RAP1GDS1: variants seen among roughly 807,000 people sequenced by gnomAD.
RAP1GDS1 encodes RAP1, GTP-GDP dissociation stimulator 1.
Under a neutral mutation model 71.1 loss-of-function variants are expected in RAP1GDS1, and 35 were observed. That is an observed-to-expected ratio of 0.49 (90% CI 0.38 to 0.65). The LOEUF (loss-of-function observed/expected upper bound fraction) is 0.65. Among genes scored for constraint, RAP1GDS1 ranks in the 30% least tolerant of loss-of-function variants. RAP1GDS1 has a pLI of 0.00. For synonymous variants in RAP1GDS1, 229 were observed against 243.1 expected, an observed-to-expected ratio of 0.94 and a Z score of 0.54; for missense variants, 663 against 706.1, an observed-to-expected ratio of 0.94 and a Z score of 0.69.
chr4:98,387,463 T>C (rs1742941871), intron 5 of RAP1GDS1: 2 of 456,080 alleles, frequency 4.4e-6, no homozygotes, highest in Non-Finnish European at 4.4e-6. Context: ...TTTCCATGAG[T>C]GTGACCTGAA....
chr4:98,347,059 CACTG>C (rs1308189871), intron 3 of RAP1GDS1, among the ~76,000 whole-genome samples: 14 of 152,080 alleles, frequency 9.2e-5, no homozygotes, highest in Admixed American at 2.0e-4. Flanking sequence ...GTCTAATAAA[CACTG>C]AGGTGGACTC....
intron 7 of RAP1GDS1, 143 bp from the exon 8 acceptor site, chr4:98,416,602 G>A (rs577536846): frequency 8.5e-5 from 51 of 597,706 alleles, no homozygotes; most frequent in Middle Eastern, 5.1e-4. Context: ...CGCCCATCTC[G>A]GCCTCCCAAA....
chr4:98,424,371 G>A (rs576954036), intron 12 of RAP1GDS1, among the ~76,000 whole-genome samples: 1 of 152,232 alleles, frequency 6.6e-6, no homozygotes, highest in Admixed American at 6.5e-5. Context: ...CACATAAAAT[G>A]CACTAACACT....
intron 12 of RAP1GDS1, among the ~76,000 whole-genome samples, chr4:98,428,757 AC>A (rs1275915764): frequency 6.6e-6 from 1 of 152,218 alleles, no homozygotes; most frequent in Non-Finnish European, 1.5e-5. Context: ...GTAAACTAAT[AC>A]AACCACTATG....
intron 2 of RAP1GDS1, among the ~76,000 whole-genome samples, chr4:98,326,737 G>A (rs1022103130): frequency 3.3e-5 from 5 of 152,090 alleles, no homozygotes; most frequent in African/African-American, 1.2e-4. Flanking sequence ...ATGACCCTCA[G>A]CTCCACTCAC....
At chr4:98,347,253 C>T (rs1363056216) in intron 3 of RAP1GDS1, among the ~76,000 whole-genome samples, 1 of 152,052 alleles carries the variant, frequency 6.6e-6, no homozygotes, top group Non-Finnish European at 1.5e-5. Flanking sequence ...TCATCACAGC[C>T]TGTACTTTAT....
chr4:98,366,734 A>G (rs1739553365), intron 4 of RAP1GDS1, among the ~76,000 whole-genome samples: 1 of 152,160 alleles, frequency 6.6e-6, no homozygotes, highest in Admixed American at 6.5e-5. Flanking sequence ...TAGCAAAGAG[A>G]CTGGCAGCAT....
At chr4:98,288,940 A>G (rs1334249864) in intron 1 of RAP1GDS1, among the ~76,000 whole-genome samples, 1 of 152,180 alleles carries the variant, frequency 6.6e-6, no homozygotes, top group Non-Finnish European at 1.5e-5. Context: ...GAAATGGGGA[A>G]TAACTGGAGA....
chr4:98,404,642 A>T (rs372317613), intron 7 of RAP1GDS1, 40 bp downstream of exon 7: 17 of 1,577,750 alleles, frequency 1.1e-5, no homozygotes, highest in Non-Finnish European at 1.5e-5. Flanking sequence ...TTGATCATGT[A>T]TGCTTTAAAC....
chr4:98,356,913 G>T (rs979882960), intron 4 of RAP1GDS1, among the ~76,000 whole-genome samples: 6 of 151,824 alleles, frequency 4.0e-5, no homozygotes, highest in African/African-American at 7.2e-5. Context: ...TTGTATATTG[G>T]CGATTCTTGT....
chr4:98,400,067 C>T (rs1015021785), intron 6 of RAP1GDS1, among the ~76,000 whole-genome samples: 2 of 151,838 alleles, frequency 1.3e-5, no homozygotes, highest in African/African-American at 2.4e-5. Context: ...GTGGGAGGAT[C>T]GCTTCAGCAC....
At chr4:98,284,236 C>T (rs1379565612) in intron 1 of RAP1GDS1, among the ~76,000 whole-genome samples, 1 of 151,904 alleles carries the variant, frequency 6.6e-6, no homozygotes, top group African/African-American at 2.4e-5. Context: ...GGTTTTTTCC[C>T]CTTTTATTTT....
intron 2 of RAP1GDS1, chr4:98,297,082 G>A (rs1344346995): frequency 6.0e-6 from 1 of 166,014 alleles, no homozygotes; most frequent in African/African-American, 2.4e-5. Flanking sequence ...TCATACGAGA[G>A]TCACGTAATT....
chr4:98,359,260 T>C (rs747822618), intron 4 of RAP1GDS1, among the ~76,000 whole-genome samples: 38 of 152,098 alleles, frequency 2.5e-4, no homozygotes, highest in Middle Eastern at 3.4e-3. Context: ...GCAGAGTAAA[T>C]TTCCTAGAAA....
At chr4:98,386,939 T>C (rs535992753) in intron 5 of RAP1GDS1, among the ~76,000 whole-genome samples, 86 of 152,260 alleles carry the variant, frequency 5.6e-4, no homozygotes, top group Non-Finnish European at 7.1e-4. Flanking sequence ...AATACAGATA[T>C]GTCATTAAAT....
intron 1 of RAP1GDS1, among the ~76,000 whole-genome samples, chr4:98,277,351 C>T (rs933027905): frequency 4.6e-5 from 7 of 152,148 alleles, no homozygotes; most frequent in Non-Finnish European, 7.4e-5. Context: ...GTATTACTTT[C>T]TTATACAAGA....
At chr4:98,291,809 A>G (rs1318611575) in intron 1 of RAP1GDS1, among the ~76,000 whole-genome samples, 5 of 152,178 alleles carry the variant, frequency 3.3e-5, no homozygotes, top group African/African-American at 1.2e-4. Context: ...CATGTCCAGT[A>G]GTCCTCAGCC....
intron 7 of RAP1GDS1, among the ~76,000 whole-genome samples, chr4:98,406,852 G>A (rs958369799): frequency 3.9e-5 from 6 of 152,018 alleles, no homozygotes; most frequent in African/African-American, 1.4e-4. Flanking sequence ...ATCGCTGTAT[G>A]TTTACATGGT....
At chr4:98,428,161 T>A (rs1019523590) in intron 12 of RAP1GDS1, among the ~76,000 whole-genome samples, 3 of 152,104 alleles carry the variant, frequency 2.0e-5, no homozygotes, top group African/African-American at 7.2e-5. Flanking sequence ...AGAATAAAAC[T>A]GTTGCCTCAT....
Sources: gnomAD v4.1 joint callset for allele counts (sites outside exome capture counted in the v4.1 genomes callset) on GRCh38, gnomAD v4.1.1 for gene constraint, MANE v1.5 for transcripts, NCBI Gene and HGNC (gene_info 2026-07-23, HGNC 2026-07-21) for gene names.